The following IRF7 variants were observed in gnomAD, a reference collection of about 807,000 sequenced individuals.
IRF7 encodes the protein interferon regulatory factor-7H.
In IRF7, 67 loss-of-function variants were observed where a neutral mutation model predicts 51.3. That is an observed-to-expected ratio of 1.31 (90% CI 1.07 to 1.60). IRF7 has a LOEUF of 1.60. Among genes scored for constraint, IRF7 ranks in the 40% most tolerant of loss-of-function variants. IRF7 has a pLI of 0.00. For synonymous variants in IRF7, 427 were observed against 301.3 expected (o/e 1.42, Z -4.32); for missense variants, 873 against 701.5 (o/e 1.24, Z -2.76).
Position 615,246 on chromosome 11 carries a change from C to T in IRF7, c.34G>A (p.Val12Met), listed in dbSNP as rs746593118. The change falls in exon 3 of 11, where the codon GTG becomes ATG. Residue 12 changes from valine to methionine, a missense_variant. Coordinates refer to ENST00000525445, the MANE Select transcript of IRF7 (RefSeq NM_001572.5). Reference sequence around the variant, plus strand: ...CCAAGGAGCCACTCTCCGAACAGCACGCGTGGGGCTGCCCTGCGGGTGCCC... The same window carrying T: ...CCAAGGAGCCACTCTCCGAACAGCATGCGTGGGGCTGCCCTGCGGGTGCCC... ...ALAPERAAPR[V>M]LFGEWLLGEI... 6.3e-7 allele frequency: 1 copy of T among 1,584,264 alleles called. No individual in the cohort carries two copies. The highest frequency in any genetic ancestry group is 1.1e-5 in the South Asian group (1 of 88,414).
At chr11:614,731 C>T (rs1760998586) in intron 4 of IRF7, 66 bp downstream of exon 4, 15 of 1,479,540 alleles carry the variant, frequency 1.0e-5, no homozygotes, top group South Asian at 1.3e-5. Context: ...AAATCTGACC[C>T]AGAGAATGTT....
rs1241612318 is a variant in IRF7 at position 615,556 on chromosome 11, C to T, written c.-192G>A. 1 of 583,708 alleles carries T rather than the reference C, an allele frequency of 1.7e-6. No homozygotes were observed. The highest frequency in any genetic ancestry group is 2.9e-6 in the Non-Finnish European group (1 of 347,334). 36.2% of individuals were successfully genotyped at this position (583,708 alleles called of 1,614,324 possible). A position where few individuals can be genotyped will look rare whatever the true frequency, so the allele number is the denominator to read the frequency against. Reference sequence around the variant, plus strand: ...ATGGATCTCTTGGCAGAGGGGGCTACAGGTGTGACTGCAGGTGTGGCCGGC... The same window carrying T: ...ATGGATCTCTTGGCAGAGGGGGCTATAGGTGTGACTGCAGGTGTGGCCGGC... On this transcript the variant is annotated 5_prime_UTR_variant, in exon 2 of 11. Transcript: ENST00000525445.
chr11:615,366 G>A lies in IRF7; in HGVS notation c.-2C>T. On this transcript the variant is annotated 5_prime_UTR_variant, in exon 2 of 11. Coordinates refer to ENST00000525445, the MANE Select transcript of IRF7 (RefSeq NM_001572.5). Reference sequence around the variant, plus strand: ...TTACCTCTCAGGAGCCAAGGCCATTGCTCCTTCTGCAGGGGCAGTTAGGTG... The same window carrying A: ...TTACCTCTCAGGAGCCAAGGCCATTACTCCTTCTGCAGGGGCAGTTAGGTG... 6.6e-7 allele frequency: 1 copy of A among 1,505,262 alleles called. No homozygotes were observed. Among genetic ancestry groups the A allele is most frequent in the African/African-American group, 1.4e-5 (1 of 72,098 alleles). 93.2% of individuals were successfully genotyped at this position (1,505,262 alleles called of 1,614,324 possible).
rs748320261 is a variant in IRF7 at position 614,973 on chromosome 11, C to G, written c.218G>C (p.Ser73Thr). The G allele has an allele frequency of 6.4e-7, 1 of 1,552,790 alleles. No homozygotes were observed. The highest frequency in any genetic ancestry group is 8.7e-7 in the Non-Finnish European group (1 of 1,154,324). Residue 73 changes from serine (S) to threonine (T), a missense_variant, in exon 4 of 11, where the codon AGC (serine) becomes ACC (threonine). Ser to Thr is a moderately conservative substitution (Grantham distance 58). Coordinates refer to ENST00000525445, the MANE Select transcript of IRF7 (RefSeq NM_001572.5). ...WAVARGRWPP[S>T]SRGGGPPPEA... Reference sequence around the variant, plus strand: ...GGGGGGCGGGCCACCTCCCCTGCTGCTAGGCGGCCACCTGCCGCGGGCCAC... The same window carrying G: ...GGGGGGCGGGCCACCTCCCCTGCTGGTAGGCGGCCACCTGCCGCGGGCCAC...
chr11:614,351 C>A lies in IRF7; in HGVS notation c.502G>T (p.Ala168Ser). 1 of 1,610,072 alleles carries A rather than the reference C, an allele frequency of 6.2e-7. No homozygotes were observed. The highest frequency in any genetic ancestry group is 8.5e-7 in the Non-Finnish European group (1 of 1,179,036). ...FLAHTHAGLQ[A>S]PGPLPAPAGD... Reference sequence around the variant, plus strand: ...GCTGGGGCAGGGAGGGGGCCTGGGGCTTGGAGTCCAGCATGTGTGTGTGCC... The same window carrying A: ...GCTGGGGCAGGGAGGGGGCCTGGGGATTGGAGTCCAGCATGTGTGTGTGCC... Residue 168 changes from alanine to serine, a missense_variant, in exon 6 of 11, where the codon GCC becomes TCC. By Grantham distance (99) the Ala-to-Ser change is moderately conservative. Transcript: ENST00000525445.
Position 615,491 on chromosome 11 carries a change from G to A in IRF7, c.-127C>T. On this transcript the variant is annotated 5_prime_UTR_variant, in exon 2 of 11. Transcript: ENST00000525445. ...GGCCAGGTGTCACAGGTGTCCACAG[G>A]TGTGGACTGAGGGCTTGTAGCCACC... The A allele has an allele frequency of 8.9e-7, 1 of 1,123,868 alleles. No individual in the cohort carries two copies. Among genetic ancestry groups the A allele is most frequent in the Non-Finnish European group, 1.2e-6 (1 of 818,446 alleles). 69.6% of individuals were successfully genotyped at this position (1,123,868 alleles called of 1,614,324 possible).
Position 614,174 on chromosome 11 carries a change from C to G in IRF7, c.679G>C (p.Gly227Arg), listed in dbSNP as rs753739972. Residue 227 changes from glycine to arginine, a missense_variant and splice_region_variant, in exon 6 of 11, where the codon GGC becomes CGC. Gly to Arg is a moderately radical substitution (Grantham distance 125, BLOSUM62 -2). Transcript: ENST00000525445. ...GLPLTGACAG[G>R]PGLPAGELYG... ...CCCCCCTCCCCGGGCACGCCCACAC[C>G]TCCAGCACAGGCCCCAGTCAGGGGA... 12 of 1,612,284 alleles carry G rather than the reference C, an allele frequency of 7.4e-6. No individual in the cohort carries two copies. The highest frequency in any genetic ancestry group is 2.2e-5 in the East Asian group (1 of 44,850).
In IRF7 at chr11:613,574, T is replaced by G; in HGVS notation, c.869A>C (p.Asp290Ala). The change falls in exon 9 of 11, where the codon GAC becomes GCC. Residue 290 changes from aspartate to alanine, a missense_variant. Asp to Ala is a moderately radical substitution (Grantham distance 126, BLOSUM62 -2). Transcript: ENST00000525445. ...AVQEPSPGAL[D>A]VTIMYKGRTV... Reference sequence around the variant, plus strand: ...GCGGCCCTTGTACATGATGGTCACGTCCAGCGCCCCTGGGCTGGGCTCTGT... The same window carrying G: ...GCGGCCCTTGTACATGATGGTCACGGCCAGCGCCCCTGGGCTGGGCTCTGT... 6.4e-7 allele frequency: 1 copy of G among 1,567,814 alleles called. No homozygotes were observed.
At chr11:614,705 C>T in intron 4 of IRF7, 92 bp downstream of exon 4, 1 of 1,436,206 alleles carries the variant, frequency 7.0e-7, no homozygotes, top group Admixed American at 2.3e-5. Flanking sequence ...TCTCCCAGAA[C>T]AGCTTCTAAA....
At chr11:613,636 GACA>G (rs1856590192) in intron 8 of IRF7, 41 bp from the exon 9 acceptor site, 62 of 1,018,832 alleles carry the variant, frequency 6.1e-5, no homozygotes, top group Non-Finnish European at 7.1e-5. Context: ...GGTGGGCGGG[GACA>G]GGCTGTGAGT....
chr11:612,778 A>G lies in IRF7; in HGVS notation c.1379T>C (p.Val460Ala). The change falls in exon 11 of 11, where the codon GTG becomes GCG. Residue 460 changes from valine to alanine, a missense_variant. Transcript: ENST00000525445. ...LVKLEPWLCR[V>A]HLEGTQREGV... ...CTCACGCTGCGTGCCCTCTAGGTGC[A>G]CTCGGCACAGCCAGGGTTCCAGCTG... The G allele has an allele frequency of 6.2e-7, 1 of 1,611,034 alleles. No individual in the cohort carries two copies. Among genetic ancestry groups the G allele is most frequent in the Non-Finnish European group, 8.5e-7 (1 of 1,179,914 alleles).
chr11:613,682 C>A (rs868592379), intron 8 of IRF7, 87 bp from the exon 9 acceptor site: 1 of 154,290 alleles, frequency 6.5e-6, no homozygotes, highest in Non-Finnish European at 1.1e-5. Flanking sequence ...ATGTGAGTGA[C>A]GGGGGTGGGC....
chr11:614,674 G>C (rs1228045044), intron 4 of IRF7, 123 bp downstream of exon 4: 8 of 1,381,494 alleles, frequency 5.8e-6, no homozygotes, highest in Non-Finnish European at 7.8e-6. Context: ...CTCTCCACCT[G>C]TCCTGGGCCT....
chr11:615,236 C>G lies in IRF7; in HGVS notation c.44G>C (p.Gly15Ala), dbSNP rs1244336930. The G allele has an allele frequency of 2.5e-6, 4 of 1,589,586 alleles. No homozygotes were observed. The highest frequency in any genetic ancestry group is 3.4e-6 in the Non-Finnish European group (4 of 1,172,614). Reference sequence around the variant, plus strand: ...GCTGATCTCTCCAAGGAGCCACTCTCCGAACAGCACGCGTGGGGCTGCCCT... The same window carrying G: ...GCTGATCTCTCCAAGGAGCCACTCTGCGAACAGCACGCGTGGGGCTGCCCT... ...PERAAPRVLF[G>A]EWLLGEISSG... The change falls in exon 3 of 11, where the codon GGA (glycine) becomes GCA (alanine). Residue 15 changes from glycine to alanine, a missense_variant. Transcript: ENST00000525445.
Position 615,596 on chromosome 11 carries a change from T to A in IRF7, c.-232A>T, listed in dbSNP as rs1856798757. 4.1e-6 allele frequency: 2 copies of A among 486,398 alleles called. No individual in the cohort carries two copies. Among genetic ancestry groups the A allele is most frequent in the Non-Finnish European group, 7.2e-6 (2 of 278,966 alleles). 30.1% of individuals were successfully genotyped at this position (486,398 alleles called of 1,614,324 possible). On this transcript the variant is annotated 5_prime_UTR_variant, in exon 2 of 11. Coordinates refer to ENST00000525445, the MANE Select transcript of IRF7 (RefSeq NM_001572.5). ...GTGTGGCCGGCGCGCACACATGAAG[T>A]CACAGGTGTTGAACCAGTGTCCAGG...
chr11:615,269 C>A lies in IRF7; in HGVS notation c.21-10G>T. The A allele has an allele frequency of 6.3e-7, 1 of 1,580,092 alleles. No homozygotes were observed. Among genetic ancestry groups the A allele is most frequent in the Non-Finnish European group, 8.6e-7 (1 of 1,167,558 alleles). ...CACGCGTGGGGCTGCCCTGCGGGTG[C>A]CCGGCCGCGGAGAGTCAGGGCCGGC... is the stretch of plus-strand genomic sequence containing the variant. On this transcript the variant is annotated splice_polypyrimidine_tract_variant and intron_variant, in intron 2 of 10. Coordinates refer to ENST00000525445, the MANE Select transcript of IRF7 (RefSeq NM_001572.5).
chr11:614,752 C>G lies in IRF7; in HGVS notation c.394+45G>C, dbSNP rs953933785. 5 of 1,506,068 alleles carry G rather than the reference C, an allele frequency of 3.3e-6. No homozygotes were observed. In the African/African-American group the frequency reaches 7.0e-5, roughly 21 times the overall value. 93.3% of individuals were successfully genotyped at this position (1,506,068 alleles called of 1,614,324 possible). ...GACCCAGAGAATGTTCCCCTTTGCC[C>G]AAGCAGGACGAATGCCAACGCCCTT... On this transcript the variant is annotated intron_variant, in intron 4 of 10. Transcript: ENST00000525445.
At chr11:615,849 C>T (rs1856824942) in intron 1 of IRF7, 64 bp downstream of exon 1, 1 of 159,320 alleles carries the variant, frequency 6.3e-6, no homozygotes, top group South Asian at 2.0e-4. Flanking sequence ...CCTCCGGGGT[C>T]ACGGAGCCCC....
rs763186533 is a variant in IRF7, at chr11:614,278, AGGCAGCTC to A, written c.567_574del (p.Gln189HisfsTer210). 3.7e-6 allele frequency: 6 copies of A among 1,612,302 alleles called. No homozygotes were observed. Among genetic ancestry groups the A allele is most frequent in the Non-Finnish European group, 5.1e-6 (6 of 1,179,702 alleles). On this transcript the variant is annotated frameshift_variant, in exon 6 of 11. Coordinates refer to ENST00000525445, the MANE Select transcript of IRF7 (RefSeq NM_001572.5). LOFTEE classifies it high-confidence loss of function. The stretch of plus-strand genomic sequence containing the variant: ...TGACGCTGTCAGCAGATGGTCTGCC[AGGCAGCTC>A]TGTTGCACTGCCTGGAGCAGGAGGT...
Sources: gnomAD v4.1 joint callset for allele counts on GRCh38, gnomAD v4.1.1 for gene constraint, MANE v1.5 for transcripts, NCBI Gene and HGNC (gene_info 2026-07-23, HGNC 2026-07-21) for gene names.